The following MLLT1 variants were observed in gnomAD, a reference collection of about 807,000 sequenced individuals.
The protein encoded by MLLT1 is MLLT1 super elongation complex subunit, also known as protein ENL.
A neutral mutation model predicts 55.1 loss-of-function variants in MLLT1; 11 were observed. That is an observed-to-expected ratio of 0.20 (90% confidence interval 0.13 to 0.33). The LOEUF is 0.33. MLLT1 is among the 10% of genes least tolerant of loss of function. The pLI, the probability that MLLT1 is intolerant of heterozygous loss-of-function variation, is 1.00. For synonymous variants in MLLT1, 323 were observed against 320.1 expected (o/e 1.01, Z -0.10); for missense variants, 536 against 760.6 (o/e 0.70, Z 3.47).
chr19:6,211,290 C>A lies in MLLT1; in HGVS notation c.*1752G>T. The A allele has an allele frequency of 4.3e-6, 1 of 232,794 alleles. No individual in the cohort carries two copies. The highest frequency in any genetic ancestry group is 8.5e-6 in the Non-Finnish European group (1 of 117,580). The allele number at this position is 232,794 out of a possible 1,614,324, so 14.4% of individuals were successfully genotyped here. On this transcript the variant is annotated 3_prime_UTR_variant, in exon 12 of 12. Coordinates refer to ENST00000252674, the MANE Select transcript of MLLT1 (RefSeq NM_005934.4). The surrounding 1 kb of genome is among the most constrained non-coding windows in gnomAD (Gnocchi z 4.6). ...AGGGGGCACAGGGGCCTGCCCTCTT[C>A]CTGATACCTGAAGGCAGTGGGGCCG... is the stretch of plus-strand genomic sequence containing the variant.
chr19:6,251,110 G>A (rs7249425), intron 3 of MLLT1, among the ~76,000 whole-genome samples: 4,873 of 152,218 alleles, frequency 0.032, 275 homozygotes, highest in African/African-American at 0.11. Flanking sequence ...ACGGGAAACA[G>A]CTGCTTACTG....
At chr19:6,228,799 G>C (rs2090978158) in intron 4 of MLLT1, among the ~76,000 whole-genome samples, 1 of 152,106 alleles carries the variant, frequency 6.6e-6, no homozygotes, top group Non-Finnish European at 1.5e-5. Context: ...TGGAGGCCTG[G>C]AAAGTTCCTG....
In MLLT1 at chr19:6,270,348, G is replaced by A. The variant is rs1025818032; in HGVS notation, c.193+231C>T. Among the ~76,000 whole-genome samples, 1 of 152,122 alleles carries A rather than the reference G, an allele frequency of 6.6e-6. No individual in the cohort carries two copies. The highest frequency in any genetic ancestry group is 1.5e-5 in the Non-Finnish European group (1 of 68,024). ...GCTCCCTGGCTGCTTCCCAGAGCCC[G>A]GGTCTAAATCACGACACAACAGACC... On this transcript the variant is annotated intron_variant, in intron 2 of 11. Transcript: ENST00000252674. The surrounding 1 kb of genome is among the most constrained non-coding windows in gnomAD (Gnocchi z 7.1).
intron 3 of MLLT1, among the ~76,000 whole-genome samples, chr19:6,258,946 C>T (rs957586319): frequency 5.3e-5 from 8 of 152,266 alleles, no homozygotes; most frequent in Admixed American, 1.3e-4. Context: ...TGCCACGCGC[C>T]GGGCCAAGTG....
intron 1 of MLLT1, among the ~76,000 whole-genome samples, chr19:6,274,977 G>T (rs116902013): frequency 5.3e-5 from 8 of 152,338 alleles, no homozygotes; most frequent in African/African-American, 1.9e-4. Context: ...CAGCTTCCCC[G>T]GGGCTTTCTC....
intron 1 of MLLT1, among the ~76,000 whole-genome samples, chr19:6,274,245 C>T (rs2144966792): frequency 6.6e-6 from 1 of 152,350 alleles, no homozygotes; most frequent in African/African-American, 2.4e-5. Context: ...AAAAAGGAAT[C>T]ACAGATTCAG....
intron 6 of MLLT1, among the ~76,000 whole-genome samples, chr19:6,221,498 G>T (rs1320021783): frequency 6.6e-6 from 1 of 152,212 alleles, no homozygotes; most frequent in Non-Finnish European, 1.5e-5. Context: ...TCCCTGACAG[G>T]GGTCCTCGTT....
Position 6,222,163 on chromosome 19 carries a change from C to A in MLLT1, c.1068G>T (p.Val356=). The A allele has an allele frequency of 6.4e-7, 1 of 1,569,418 alleles. No individual in the cohort carries two copies. Among genetic ancestry groups the A allele is most frequent in the Non-Finnish European group, 8.6e-7 (1 of 1,156,876 alleles). Residue 356 remains valine, a synonymous_variant, in exon 6 of 12, where the codon GTG becomes GTT. Transcript: ENST00000252674. This position sits in a 1 kb window ranked among gnomAD's most constrained non-coding sequence, Gnocchi z 4.1. ...CCTCGTCCTCTGAGTTGGACTCCTC[C>A]ACCTCCAGGGCCTTTTTGGCCTCCC... The part of the protein sequence containing the change: ...EPREAKKALE[V]EESNSEDEAS...
chr19:6,254,111 G>A (rs967940857), intron 3 of MLLT1, among the ~76,000 whole-genome samples: 1 of 152,174 alleles, frequency 6.6e-6, no homozygotes, highest in Non-Finnish European at 1.5e-5. Context: ...TAGGTGGCTG[G>A]AATTTTCAGC....
chr19:6,223,744 G>A (rs920777965), intron 5 of MLLT1, among the ~76,000 whole-genome samples: 12 of 152,148 alleles, frequency 7.9e-5, no homozygotes, highest in African/African-American at 2.9e-4. Context: ...CACACTGCCA[G>A]CACTCCCCAC....
chr19:6,216,725 C>A, intron 7 of MLLT1: 1 of 569,474 alleles, frequency 1.8e-6, no homozygotes, highest in Non-Finnish European at 3.1e-6. Context: ...GGCTCCCCCA[C>A]CCCTCCCTAC....
rs768178522 is a variant in MLLT1, at chr19:6,213,928, C to T, written c.1407+11G>A. The T allele has an allele frequency of 1.4e-6, 2 of 1,459,452 alleles. No homozygotes were observed. Among genetic ancestry groups the T allele is most frequent in the East Asian group, 2.4e-5 (1 of 41,630 alleles). The allele number at this position is 1,459,452 out of a possible 1,614,324, so 90.4% of individuals were successfully genotyped here. A position where few individuals can be genotyped will look rare whatever the true frequency, so the allele number is the denominator to read the frequency against. ...TCTGGTGCACCCCCTGCCTGCAGGC[C>T]CCAGGCTCACCTTGCTGTTGGGCGG... On this transcript the variant is annotated intron_variant, in intron 9 of 11. Transcript: ENST00000252674.
chr19:6,279,269 G>A (rs1249606095), intron 1 of MLLT1, among the ~76,000 whole-genome samples: 1 of 152,176 alleles, frequency 6.6e-6, no homozygotes, highest in African/African-American at 2.4e-5. Context: ...GGTCCAGACA[G>A]GAAAGGAGAC....
In MLLT1 at chr19:6,216,394, C is replaced by G. The variant is rs754683611; in HGVS notation, c.1307+11G>C. ...GCCGCCTCCGCCCCCTGGCTCCCAC[C>G]GGGCCGTCACCTGGAGTCCCTCCCC... On this transcript the variant is annotated intron_variant, in intron 8 of 11. Coordinates refer to ENST00000252674, the MANE Select transcript of MLLT1 (RefSeq NM_005934.4). The G allele has an allele frequency of 6.3e-7, 1 of 1,590,784 alleles. No homozygotes were observed. The highest frequency in any genetic ancestry group is 1.1e-5 in the South Asian group (1 of 88,272).
rs1433062367 is a variant in MLLT1, at chr19:6,216,420, G to A, written c.1292C>T (p.Pro431Leu). The A allele has an allele frequency of 4.4e-6, 7 of 1,606,874 alleles. No individual in the cohort carries two copies. Among genetic ancestry groups the A allele is most frequent in the Middle Eastern group, 3.6e-4 (2 of 5,574 alleles). The change falls in exon 8 of 12, where the codon CCG (proline) becomes CTG (leucine). Residue 431 changes from proline to leucine, a missense_variant. Pro to Leu is a moderately conservative substitution (Grantham distance 98). Transcript: ENST00000252674. ...SGEEAAGKTN[P>L]GRDSRLSFSD... ...GGGCCGTCACCTGGAGTCCCTCCCC[G>A]GGTTGGTCTTGCCGGCAGCCTCCTC...
At chr19:6,261,098 A>G (rs1481545269) in intron 3 of MLLT1, among the ~76,000 whole-genome samples, 2 of 152,068 alleles carry the variant, frequency 1.3e-5, no homozygotes, top group Admixed American at 1.3e-4. Context: ...AGCTGGGGAG[A>G]CTGGGAGCCC....
intron 3 of MLLT1, among the ~76,000 whole-genome samples, chr19:6,239,488 G>A (rs2091095006): frequency 6.6e-6 from 1 of 152,194 alleles, no homozygotes; most frequent in South Asian, 2.1e-4. Flanking sequence ...GCTGACGCCG[G>A]AGGGCCACGG....
intron 6 of MLLT1, 129 bp from the exon 7 acceptor site, chr19:6,218,170 A>G: frequency 3.6e-6 from 5 of 1,371,626 alleles, no homozygotes; most frequent in Middle Eastern, 2.1e-4. Flanking sequence ...TAGGGTCCCA[A>G]GGGTACCCAC....
At chr19:6,218,189 C>T in intron 6 of MLLT1, 148 bp from the exon 7 acceptor site, 1 of 1,264,042 alleles carries the variant, frequency 7.9e-7, no homozygotes, top group Non-Finnish European at 1.1e-6. Context: ...ACGTGTGCCG[C>T]TGAGAACCCA....
Sources: allele counts gnomAD v4.1 joint callset (sites outside exome capture counted in the v4.1 genomes callset), GRCh38; gene constraint gnomAD v4.1.1; non-coding constraint Gnocchi (gnomAD v3.1); transcripts MANE v1.5; gene names NCBI Gene and HGNC (gene_info 2026-07-23, HGNC 2026-07-21).